The following RBM25 variants were observed in gnomAD, a reference collection of about 807,000 sequenced individuals.
The protein encoded by RBM25 is RNA binding motif protein 25, also known as RNA-binding protein 25.
In RBM25, 19 loss-of-function variants were observed where a neutral mutation model predicts 120.7. That is an observed-to-expected ratio of 0.16 (90% CI 0.11 to 0.23). The LOEUF (loss-of-function observed/expected upper bound fraction) is 0.23. Among genes scored for constraint, RBM25 ranks in the 10% least tolerant of loss-of-function variants. The pLI, the probability that RBM25 is intolerant of heterozygous loss-of-function variation, is 1.00. For missense variants in RBM25, 605 were observed against 1,041.5 expected (o/e 0.58, Z 5.77); for synonymous variants, 390 against 326.7 (o/e 1.19, Z -2.09).
chr14:73,083,803 G>A (rs139613876), intron 5 of RBM25, among the ~76,000 whole-genome samples: 3 of 151,856 alleles, frequency 2.0e-5, no homozygotes, highest in East Asian at 3.9e-4. Context: ...CTGGTTTCTT[G>A]TTCTTTCAAA....
chr14:73,093,297 G>T (rs1218201580), intron 6 of RBM25, among the ~76,000 whole-genome samples: 2 of 152,136 alleles, frequency 1.3e-5, no homozygotes, highest in African/African-American at 4.8e-5. Context: ...TTTTTAAAAG[G>T]TTCGTACTTT....
At chr14:73,077,607 A>C (rs1035873595) in intron 4 of RBM25, 71 bp downstream of exon 4, 1 of 1,357,454 alleles carries the variant, frequency 7.4e-7, no homozygotes, top group African/African-American at 1.5e-5. Flanking sequence ...AGCAGAAAGA[A>C]GACTTTCAGT....
intron 5 of RBM25, among the ~76,000 whole-genome samples, chr14:73,085,809 G>A (rs2140439013): frequency 6.6e-6 from 1 of 152,108 alleles, no homozygotes; most frequent in East Asian, 1.9e-4. Context: ...TTAAAACAAT[G>A]AGTTGCTATC....
At position 73,061,060 on chromosome 14, in the gene RBM25, T is replaced by C. The variant is rs201485968; in HGVS notation, c.-16+2355T>C. Reference sequence around the variant, plus strand: ...TTTTTCTGAGTTGGTGTACTTTTTTTTTTTTTTCCTTTTTGGAGATGGAGT... The same window carrying C: ...TTTTTCTGAGTTGGTGTACTTTTTTCTTTTTTTCCTTTTTGGAGATGGAGT... On this transcript the variant is annotated intron_variant, in intron 1 of 18. Transcript: ENST00000261973. 4.0e-5 allele frequency among the ~76,000 whole-genome samples: 6 copies of C among 150,788 alleles called. 1 individual carries two copies. In the East Asian group the frequency reaches 1.2e-3, roughly 29 times the overall value.
At position 73,108,977 on chromosome 14, in the gene RBM25, C is replaced by T. The variant is rs187675040; in HGVS notation, c.1542-365C>T. Among the ~76,000 whole-genome samples, 11 of 152,274 alleles carry T rather than the reference C, an allele frequency of 7.2e-5. No homozygotes were observed. In the East Asian group the frequency reaches 2.1e-3, roughly 29 times the overall value. On this transcript the variant is annotated intron_variant, in intron 13 of 18. Transcript: ENST00000261973. ...TACAGAACTCTCAGTGCTACTAATG[C>T]TACTTGATATATTTTTTTAGGTTGG... is the stretch of plus-strand genomic sequence containing the variant.
At chr14:73,090,523 C>T (rs574864540) in intron 6 of RBM25, among the ~76,000 whole-genome samples, 2 of 152,294 alleles carry the variant, frequency 1.3e-5, no homozygotes, top group East Asian at 3.9e-4. Context: ...AAATTCTATC[C>T]ATACTTATAA....
chr14:73,071,523 G>A, intron 1 of RBM25, 104 bp from the exon 2 acceptor site: 1 of 789,224 alleles, frequency 1.3e-6, no homozygotes, highest in Non-Finnish European at 2.1e-6. Context: ...GGTAAGAAAA[G>A]TTCAGAATTT....
At chr14:73,069,162 C>T (rs1281028241) in intron 1 of RBM25, among the ~76,000 whole-genome samples, 1 of 152,196 alleles carries the variant, frequency 6.6e-6, no homozygotes. Flanking sequence ...CTTTGGCCTC[C>T]CAAAGTGTTG....
Position 73,071,702 on chromosome 14 carries a change from A to T in RBM25, c.61A>T (p.Ile21Phe). 6.2e-7 allele frequency: 1 copy of T among 1,614,000 alleles called. No homozygotes were observed. The highest frequency in any genetic ancestry group is 8.5e-7 in the Non-Finnish European group (1 of 1,179,980). The change falls in exon 2 of 19, where the codon ATC becomes TTC. Residue 21 changes from isoleucine to phenylalanine, a missense_variant. Coordinates refer to ENST00000261973, the MANE Select transcript of RBM25 (RefSeq NM_021239.3). ...PMGIPALPPG[I>F]PPPQFPGFPP... Reference sequence around the variant, plus strand: ...GGGAATCCCAGCACTCCCACCAGGGATCCCACCCCCGCAGTTTCCAGGATT... The same window carrying T: ...GGGAATCCCAGCACTCCCACCAGGGTTCCCACCCCCGCAGTTTCCAGGATT...
intron 5 of RBM25, among the ~76,000 whole-genome samples, chr14:73,084,178 A>G (rs145694532): frequency 0.015 from 2,243 of 152,268 alleles, 45 homozygotes; most frequent in African/African-American, 0.049. Context: ...CATTACAGGC[A>G]GGAGCCACCA....
In RBM25 at chr14:73,068,387, ATTTTTTTT is replaced by A. The variant is rs34314453; in HGVS notation, c.-15-3229_-15-3222del. The A allele has an allele frequency of 1.5e-5, 7 of 476,614 alleles. No individual in the cohort carries two copies. The East Asian group carries it at 2.2e-4, about 15-fold the overall frequency. The allele number at this position is 476,614 out of a possible 1,614,324, so 29.5% of individuals were successfully genotyped here. A position where few individuals can be genotyped will look rare whatever the true frequency, so the allele number is the denominator to read the frequency against. ...AATGGAGAGACAATGCTTGTATTTG[ATTTTTTTT>A]TTTTTTTTTTGGTTCATTTACAGGA... is the stretch of plus-strand genomic sequence containing the variant. On this transcript the variant is annotated intron_variant, in intron 1 of 18. Transcript: ENST00000261973.
chr14:73,097,184 CTTTTTTCTTTTCTTTT>C, intron 7 of RBM25, 84 bp downstream of exon 7: 1 of 187,662 alleles, frequency 5.3e-6, no homozygotes. Context: ...TGTCAGTTTT[CTTTTTTCTTTTCTTTT>C]TTTTTTTTTT....
In RBM25 at chr14:73,111,720, A is replaced by G; in HGVS notation, c.2210A>G (p.His737Arg). 6.2e-7 allele frequency: 1 copy of G among 1,614,130 alleles called. No individual in the cohort carries two copies. Among genetic ancestry groups the G allele is most frequent in the Non-Finnish European group, 8.5e-7 (1 of 1,180,002 alleles). Residue 737 changes from histidine (H) to arginine (R), a missense_variant, in exon 16 of 19, where the codon CAC becomes CGC. Physicochemically the swap from His to Arg is conservative, Grantham distance 29 (BLOSUM62 0). Coordinates refer to ENST00000261973, the MANE Select transcript of RBM25 (RefSeq NM_021239.3). ...GTAAACACTGAAGAAAAGCGTAAACACATTAAGAGTCTCATTGAGAAAATC... is the reference window on the plus strand; with the variant it reads ...GTAAACACTGAAGAAAAGCGTAAACGCATTAAGAGTCTCATTGAGAAAATC... ...GTVNTEEKRKHIKSLIEKIPT... is the reference protein window; with the variant it reads ...GTVNTEEKRKRIKSLIEKIPT...
At chr14:73,065,968 A>T (rs2806047) in intron 1 of RBM25, among the ~76,000 whole-genome samples, 2 of 152,106 alleles carry the variant, frequency 1.3e-5, no homozygotes, top group African/African-American at 4.8e-5. Flanking sequence ...GCACTGGGCC[A>T]TTGCTAGAAT....
chr14:73,113,385 C>G (rs1439946534), intron 17 of RBM25, among the ~76,000 whole-genome samples: 2 of 151,628 alleles, frequency 1.3e-5, no homozygotes, highest in Non-Finnish European at 2.9e-5. Context: ...ATCACACCAG[C>G]CGAAGATAAA....
intron 7 of RBM25, among the ~76,000 whole-genome samples, chr14:73,097,610 C>T (rs1895977125): frequency 6.6e-6 from 1 of 152,196 alleles, no homozygotes; most frequent in South Asian, 2.1e-4. Flanking sequence ...GCCAGGATTA[C>T]AGTCATGAGC....
chr14:73,099,854 G>GT, intron 9 of RBM25, 104 bp downstream of exon 9: 3 of 1,377,784 alleles, frequency 2.2e-6, no homozygotes, highest in South Asian at 1.8e-5. Flanking sequence ...AATTTTAAAT[G>GT]TTTTTTATAG....
chr14:73,087,396 CTTT>C (rs763206419), intron 5 of RBM25, among the ~76,000 whole-genome samples: 4 of 136,768 alleles, frequency 2.9e-5, no homozygotes, highest in Admixed American at 7.3e-5. Context: ...TGACTCCTTT[CTTT>C]TTTTTTTTTT....
At chr14:73,087,435 G>T (rs1421419674) in intron 5 of RBM25, among the ~76,000 whole-genome samples, 3 of 141,510 alleles carry the variant, frequency 2.1e-5, no homozygotes, top group African/African-American at 5.3e-5. Flanking sequence ...TCGCTCTTTC[G>T]CCCAGGCCGG....
Sources: gnomAD v4.1 joint callset for allele counts (sites outside exome capture counted in the v4.1 genomes callset) on GRCh38, gnomAD v4.1.1 for gene constraint, MANE v1.5 for transcripts, NCBI Gene and HGNC (gene_info 2026-07-23, HGNC 2026-07-21) for gene names.